The following TASP1 variants were observed in gnomAD, a reference collection of about 807,000 sequenced individuals.
TASP1 encodes the protein threonine aspartase 1.
TASP1 carries 16 observed loss-of-function variants against 56.6 expected under a neutral mutation model. The observed-to-expected ratio is 0.28, with a 90% confidence interval of 0.19 to 0.43. The LOEUF is 0.43. Among genes scored for constraint, TASP1 ranks in the 20% least tolerant of loss-of-function variants. The probability of loss-of-function intolerance (pLI) is 1.00; values close to 1 mark genes in which losing one functional copy is unlikely to be tolerated. For missense variants in TASP1, 393 were observed against 511.6 expected (o/e 0.77, Z 2.24); for synonymous variants, 179 against 184.2 (o/e 0.97, Z 0.23).
intron 13 of TASP1, among the ~76,000 whole-genome samples, chr20:13,415,843 TG>T (rs1374707819): frequency 1.3e-5 from 2 of 152,210 alleles, no homozygotes; most frequent in Non-Finnish European, 2.9e-5. Context: ...ACCTCAAACA[TG>T]CTCTTTTGTT....
At chr20:13,427,370 A>C (rs2042653305) in intron 12 of TASP1, among the ~76,000 whole-genome samples, 1 of 152,220 alleles carries the variant, frequency 6.6e-6, no homozygotes, top group Non-Finnish European at 1.5e-5. Context: ...AAGAGGGAGG[A>C]AAATACTGCA....
chr20:13,165,757 G>C, the TASP1 span: 3 of 152,170 alleles, frequency 2.0e-5, no homozygotes, highest in Admixed American at 6.6e-5. Flanking sequence ...GTGAAATTCA[G>C]TGTCCTTTAG....
At chr20:13,530,258 C>T (rs1471375458) in intron 9 of TASP1, among the ~76,000 whole-genome samples, 3 of 152,052 alleles carry the variant, frequency 2.0e-5, no homozygotes, top group Non-Finnish European at 4.4e-5. Context: ...AGACAATATC[C>T]CTCTTAAAAT....
At position 13,544,176 on chromosome 20, in the gene TASP1, T is replaced by C. The variant is rs184393079; in HGVS notation, c.676-10035A>G. Among the ~76,000 whole-genome samples, 275 of 152,342 alleles carry C rather than the reference T, an allele frequency of 1.8e-3. 1 individual carries two copies. Among genetic ancestry groups the C allele is most frequent in the African/African-American group, 6.3e-3 (261 of 41,576 alleles). ...TCTCACTTTATCTGTAAAAAAATTG[T>C]ATTTCTTGATATTGGTCCCATATTG... On this transcript the variant is annotated intron_variant, in intron 8 of 13. Transcript: ENST00000337743.
intron 11 of TASP1, among the ~76,000 whole-genome samples, chr20:13,467,186 TACACACACACACACACACAC>T: frequency 6.8e-6 from 1 of 146,882 alleles, no homozygotes; most frequent in South Asian, 2.2e-4. Context: ...ACACATACAA[TACACACACACACACACACAC>T]ACACACACAC....
At chr20:13,589,970 A>C (rs986932285) in intron 4 of TASP1, among the ~76,000 whole-genome samples, 12 of 152,138 alleles carry the variant, frequency 7.9e-5, no homozygotes, top group Non-Finnish European at 1.5e-4. Flanking sequence ...GGTGGCTCAC[A>C]CCTGTAATCC....
At chr20:13,480,845 G>A (rs988340372) in intron 11 of TASP1, among the ~76,000 whole-genome samples, 9 of 152,178 alleles carry the variant, frequency 5.9e-5, no homozygotes, top group East Asian at 3.9e-4. Context: ...GTAGGTATAC[G>A]TATTTATGAG....
At chr20:13,289,956 T>C in the TASP1 span, among the ~76,000 whole-genome samples, 2 of 152,140 alleles carry the variant, frequency 1.3e-5, no homozygotes, top group Admixed American at 1.3e-4. Context: ...AGACACTCAG[T>C]TCTCCAACCA....
At chr20:13,589,136 C>T (rs377344498) in intron 4 of TASP1, among the ~76,000 whole-genome samples, 1 of 148,372 alleles carries the variant, frequency 6.7e-6, no homozygotes, top group South Asian at 2.1e-4. Context: ...CGGCTCACTG[C>T]GAGCTCTGCC....
intron 7 of TASP1, among the ~76,000 whole-genome samples, chr20:13,564,748 T>C (rs990292667): frequency 6.6e-6 from 1 of 151,894 alleles, no homozygotes; most frequent in Non-Finnish European, 1.5e-5. Flanking sequence ...ACACCTGTAA[T>C]CCCAGCACTT....
the TASP1 span, among the ~76,000 whole-genome samples, chr20:13,265,353 C>G: frequency 6.6e-6 from 1 of 152,108 alleles, no homozygotes; most frequent in Non-Finnish European, 1.5e-5. Context: ...TTTATAATAC[C>G]TACCTCAAAT....
chr20:13,325,799 A>T, the TASP1 span, among the ~76,000 whole-genome samples: 1 of 152,264 alleles, frequency 6.6e-6, no homozygotes, highest in South Asian at 2.1e-4. Context: ...TTAACAGAAA[A>T]TTTTTCAAGT....
At chr20:13,144,394 C>T in the TASP1 span, among the ~76,000 whole-genome samples, 2 of 152,192 alleles carry the variant, frequency 1.3e-5, no homozygotes, top group African/African-American at 4.8e-5. Flanking sequence ...ATCAATCATC[C>T]TCCCAGAAGT....
the TASP1 span, among the ~76,000 whole-genome samples, chr20:13,323,052 G>T: frequency 6.6e-6 from 1 of 152,020 alleles, no homozygotes; most frequent in Admixed American, 6.6e-5. Context: ...TGCATACTCT[G>T]GGGGAAGACA....
chr20:13,135,721 A>T, the TASP1 span, among the ~76,000 whole-genome samples: 2 of 152,238 alleles, frequency 1.3e-5, no homozygotes, highest in Non-Finnish European at 2.9e-5. Flanking sequence ...AGTTGGAACG[A>T]TTCTAGCTAT....
chr20:13,126,500 C>A, the TASP1 span: 1 of 1,442,010 alleles, frequency 6.9e-7, no homozygotes. Flanking sequence ...ATGTCTTTTG[C>A]TATGAGGATA....
intron 8 of TASP1, among the ~76,000 whole-genome samples, chr20:13,545,984 C>T (rs2045795222): frequency 6.6e-6 from 1 of 152,138 alleles, no homozygotes; most frequent in Admixed American, 6.5e-5. Context: ...CAGTTAATTC[C>T]TGTGGCTCTC....
intron 10 of TASP1, among the ~76,000 whole-genome samples, chr20:13,485,374 G>C (rs1443338216): frequency 1.3e-5 from 2 of 151,994 alleles, no homozygotes; most frequent in Non-Finnish European, 2.9e-5. Context: ...TGAGAGGAAA[G>C]AAAAAGAATC....
chr20:13,525,920 A>C (rs2044960663), intron 10 of TASP1, among the ~76,000 whole-genome samples: 1 of 152,192 alleles, frequency 6.6e-6, no homozygotes, highest in South Asian at 2.1e-4. Context: ...CTAAGTTAAA[A>C]AGCTACACTG....
Sources: allele counts gnomAD v4.1 joint callset (sites outside exome capture counted in the v4.1 genomes callset), GRCh38; gene constraint gnomAD v4.1.1; transcripts MANE v1.5; gene names NCBI Gene and HGNC (gene_info 2026-07-23, HGNC 2026-07-21).